The following MEIG1 variants were observed in gnomAD, a reference collection of about 807,000 sequenced individuals.
MEIG1 encodes meiosis/spermiogenesis associated 1, also known as meiosis expressed gene 1 protein homolog.
Under a neutral mutation model 11.3 loss-of-function variants are expected in MEIG1, and 12 were observed. The observed-to-expected ratio is 1.07, with a 90% CI of 0.68 to 1.73. MEIG1 has a LOEUF of 1.73. MEIG1 is among the 40% of genes most tolerant of loss of function. MEIG1 has a pLI of 0.00. For missense variants in MEIG1, 119 were observed against 104.9 expected (o/e 1.13, Z -0.59); for synonymous variants, 41 against 33.2 (o/e 1.24, Z -0.81).
upstream of MEIG1, among the ~76,000 whole-genome samples, chr10:14,959,029 G>C (rs1842979966): frequency 6.6e-6 from 1 of 152,198 alleles, no homozygotes; most frequent in Non-Finnish European, 1.5e-5. Context: ...TCTATTGTAG[G>C]TTTACTGATT....
intron 1 of MEIG1, among the ~76,000 whole-genome samples, chr10:14,964,771 A>G (rs775476692): frequency 2.8e-4 from 39 of 138,142 alleles, no homozygotes; most frequent in Middle Eastern, 3.8e-3. Flanking sequence ...GGCACCTGCT[A>G]CCACGCCCAG....
At chr10:14,973,164 C>T (rs1843171910), downstream of MEIG1, among the ~76,000 whole-genome samples, 2 of 152,176 alleles carry the variant, frequency 1.3e-5, no homozygotes, top group South Asian at 4.1e-4. Flanking sequence ...CCACACCTGG[C>T]CTCTGTCCAT....
intron 1 of MEIG1, among the ~76,000 whole-genome samples, chr10:14,978,080 C>T (rs745670620): frequency 4.0e-5 from 6 of 151,668 alleles, no homozygotes; most frequent in Non-Finnish European, 7.4e-5. Context: ...TAATGTTATT[C>T]GTAATATCCT....
chr10:14,970,975 G>A (rs1401018137), intron 2 of MEIG1, among the ~76,000 whole-genome samples: 2 of 152,122 alleles, frequency 1.3e-5, no homozygotes, highest in East Asian at 3.9e-4. Context: ...TGACAGTGGT[G>A]AAATACATTA....
At chr10:14,982,846 A>G (rs1482074554) in intron 1 of MEIG1, among the ~76,000 whole-genome samples, 1 of 152,178 alleles carries the variant, frequency 6.6e-6, no homozygotes, top group African/African-American at 2.4e-5. Flanking sequence ...TCACGATAAC[A>G]ATAAATGATT....
intron 1 of MEIG1, among the ~76,000 whole-genome samples, chr10:14,965,952 C>G (rs548251718): frequency 2.1e-3 from 319 of 152,056 alleles, no homozygotes; most frequent in Middle Eastern, 0.01. Context: ...AGTTTTATCC[C>G]CACAAAATAG....
intron 2 of MEIG1, chr10:14,987,784 T>G (rs1286036658): frequency 3.3e-5 from 6 of 180,512 alleles, no homozygotes; most frequent in Non-Finnish European, 5.8e-5. Context: ...CTTCTCTCTT[T>G]CAGAAAAAGA....
downstream of MEIG1, among the ~76,000 whole-genome samples, chr10:14,976,722 T>G (rs575895662): frequency 9.2e-5 from 14 of 152,204 alleles, no homozygotes; most frequent in South Asian, 2.7e-3. Context: ...CACAGTGATG[T>G]TCCATGTAAT....
At chr10:14,977,180 G>T (rs148515227), downstream of MEIG1, among the ~76,000 whole-genome samples, 2 of 151,848 alleles carry the variant, frequency 1.3e-5, no homozygotes, top group African/African-American at 2.4e-5. Context: ...TTACCCAGGG[G>T]TCTATACTCC....
chr10:14,963,277 G>A (rs1471262704), intron 1 of MEIG1, among the ~76,000 whole-genome samples: 1 of 151,240 alleles, frequency 6.6e-6, no homozygotes, highest in East Asian at 2.0e-4. Context: ...TGTATTTTTA[G>A]TAGCGACGGG....
downstream of MEIG1, among the ~76,000 whole-genome samples, chr10:14,977,185 T>C (rs1843218320): frequency 6.6e-6 from 1 of 152,030 alleles, no homozygotes; most frequent in South Asian, 2.1e-4. Context: ...CAGGGGTCTA[T>C]ACTCCTATTG....
chr10:14,986,382 A>T (rs943464433), intron 1 of MEIG1, among the ~76,000 whole-genome samples: 5 of 152,180 alleles, frequency 3.3e-5, no homozygotes, highest in South Asian at 2.1e-4. Context: ...AGACCTTAAA[A>T]ACCAGCATAA....
chr10:14,970,877 G>A (rs1843140696), intron 2 of MEIG1, among the ~76,000 whole-genome samples: 1 of 152,186 alleles, frequency 6.6e-6, no homozygotes, highest in African/African-American at 2.4e-5. Context: ...AGATGGTGTT[G>A]AAGAGCAGGA....
intron 1 of MEIG1, among the ~76,000 whole-genome samples, chr10:14,961,785 G>A (rs1351602462): frequency 1.1e-5 from 1 of 91,302 alleles, no homozygotes; most frequent in Non-Finnish European, 2.6e-5. Context: ...TGGCCAAAAC[G>A]TTTATTTTTA....
In MEIG1 at chr10:14,983,318, C is replaced by A. The variant is rs182372630; in HGVS notation, n.67-3478C>A. ...CCCAGTATCGCAGGAAGTGCACAAC[C>A]CTTCTGTGACATCGTTCCTAATATC... is the stretch of plus-strand genomic sequence containing the variant. On this transcript the variant is annotated intron_variant and non_coding_transcript_variant, in intron 1 of 2. Transcript: ENST00000467536. Among the ~76,000 whole-genome samples, 26 of 152,160 alleles carry A rather than the reference C, an allele frequency of 1.7e-4. No individual in the cohort carries two copies. The East Asian group carries it at 4.1e-3, about 24-fold the overall frequency.
downstream of MEIG1, among the ~76,000 whole-genome samples, chr10:14,976,745 T>C (rs1220133303): frequency 6.6e-6 from 1 of 152,004 alleles, no homozygotes; most frequent in African/African-American, 2.4e-5. Flanking sequence ...TCTATAGAAA[T>C]GTTACTCGTA....
chr10:14,985,614 C>T (rs1463166874), intron 1 of MEIG1, among the ~76,000 whole-genome samples: 1 of 151,936 alleles, frequency 6.6e-6, no homozygotes, highest in Non-Finnish European at 1.5e-5. Flanking sequence ...CGTGTGTGTA[C>T]ACCACCTGTG....
chr10:14,982,945 G>C (rs1046631209), intron 1 of MEIG1, among the ~76,000 whole-genome samples: 1 of 151,940 alleles, frequency 6.6e-6, no homozygotes, highest in African/African-American at 2.4e-5. Context: ...AATAATTAAT[G>C]TTAATGTTAA....
intron 1 of MEIG1, among the ~76,000 whole-genome samples, chr10:14,979,246 C>T (rs916893457): frequency 6.6e-6 from 1 of 151,930 alleles, no homozygotes; most frequent in African/African-American, 2.4e-5. Context: ...CCTAATGTCA[C>T]AGGGGGTGTA....
Sources: gnomAD v4.1 joint callset for allele counts (sites outside exome capture counted in the v4.1 genomes callset) on GRCh38, gnomAD v4.1.1 for gene constraint, MANE v1.5 for transcripts, NCBI Gene and HGNC (gene_info 2026-07-23, HGNC 2026-07-21) for gene names.